The following DLGAP1 variants were observed in gnomAD, a reference collection of about 807,000 sequenced individuals.
The protein encoded by DLGAP1 is DLG associated protein 1.
Under a neutral mutation model 90.8 loss-of-function variants are expected in DLGAP1, and 11 were observed. That is an observed-to-expected ratio of 0.12 (90% CI 0.08 to 0.20). The LOEUF is 0.20. DLGAP1 is among the 10% of genes least tolerant of loss of function. The pLI is 1.00. For synonymous variants in DLGAP1, 558 were observed against 540.7 expected (o/e 1.03, Z -0.44); for missense variants, 1,050 against 1,333.8 (o/e 0.79, Z 3.31).
rs567480709 is a variant in DLGAP1, at chr18:3,561,740, G to A, written c.2057+5750C>T. ...GGATATACTTCTTTCAATTTTTTTC[G>A]TTTTTGAGTGTTTTTATAGTGACTA... On this transcript the variant is annotated intron_variant, in intron 9 of 12. Transcript: ENST00000315677. 2.8e-4 allele frequency among the ~76,000 whole-genome samples: 42 copies of A among 150,352 alleles called. 2 individuals carry two copies. The highest frequency in any genetic ancestry group is 6.9e-3 in the Middle Eastern group (2 of 290).
chr18:3,792,201 C>A (rs2065768316), intron 5 of DLGAP1, among the ~76,000 whole-genome samples: 1 of 152,182 alleles, frequency 6.6e-6, no homozygotes, highest in African/African-American at 2.4e-5. Flanking sequence ...TATGATGGGG[C>A]TGGGCACGAT....
intron 1 of DLGAP1, among the ~76,000 whole-genome samples, chr18:4,448,079 T>C (rs2083711092): frequency 6.6e-6 from 1 of 152,138 alleles, no homozygotes; most frequent in Admixed American, 6.6e-5. Flanking sequence ...TATGCAAATG[T>C]TTTCTCTATC....
chr18:3,541,224 AAAGG>A (rs2052675904), intron 9 of DLGAP1, among the ~76,000 whole-genome samples: 1 of 152,150 alleles, frequency 6.6e-6, no homozygotes, highest in South Asian at 2.1e-4. Context: ...AAATACATAA[AAAGG>A]AAGAAAGAGA....
At chr18:3,951,352 G>A (rs1291257178) in intron 3 of DLGAP1, among the ~76,000 whole-genome samples, 1 of 152,144 alleles carries the variant, frequency 6.6e-6, no homozygotes, top group East Asian at 1.9e-4. Flanking sequence ...ATTCTTAAAT[G>A]GTTGATGTGT....
intron 1 of DLGAP1, among the ~76,000 whole-genome samples, chr18:4,359,433 A>G (rs2081587931): frequency 1.3e-5 from 2 of 152,216 alleles, no homozygotes; most frequent in African/African-American, 4.8e-5. Context: ...CATTCCCTTC[A>G]TTAGATCATA....
intron 11 of DLGAP1, among the ~76,000 whole-genome samples, chr18:3,505,903 C>T (rs2050188445): frequency 6.6e-6 from 1 of 152,094 alleles, no homozygotes; most frequent in Non-Finnish European, 1.5e-5. Context: ...TAGGAAACAT[C>T]AAAAGCTGGC....
intron 8 of DLGAP1, chr18:3,580,383 T>A (rs1169427669): frequency 2.5e-6 from 4 of 1,613,806 alleles, no homozygotes; most frequent in Non-Finnish European, 3.4e-6. Context: ...CAGAGCCACA[T>A]ACCTAAGCAC....
In DLGAP1 at chr18:4,008,187, G is replaced by T. The variant is rs575021435; in HGVS notation, c.-158-2986C>A. ...CAGTGGATGCCTGATGCCCCAAACAGAACCAAACCCTATATGTAAATAAAT... is the reference window on the plus strand; with the variant it reads ...CAGTGGATGCCTGATGCCCCAAACATAACCAAACCCTATATGTAAATAAAT... On this transcript the variant is annotated intron_variant, in intron 2 of 12. Coordinates refer to ENST00000315677, the MANE Select transcript of DLGAP1 (RefSeq NM_004746.4). 2.3e-4 allele frequency among the ~76,000 whole-genome samples: 35 copies of T among 150,460 alleles called. No individual in the cohort carries two copies. In the South Asian group the frequency reaches 7.1e-3, roughly 31 times the overall value.
At chr18:3,903,970 A>G (rs1422977301) in intron 3 of DLGAP1, among the ~76,000 whole-genome samples, 3 of 152,166 alleles carry the variant, frequency 2.0e-5, no homozygotes, top group African/African-American at 7.2e-5. Context: ...CTTTTGCATG[A>G]TCTCCTAGAG....
At chr18:3,707,145 C>A (rs535924851) in intron 7 of DLGAP1, among the ~76,000 whole-genome samples, 1 of 152,202 alleles carries the variant, frequency 6.6e-6, no homozygotes, top group African/African-American at 2.4e-5. Context: ...CCTGAACCCA[C>A]CTATCTGAAT....
chr18:4,363,708 ACCATCT>A (rs2081685757), intron 1 of DLGAP1, among the ~76,000 whole-genome samples: 1 of 152,190 alleles, frequency 6.6e-6, no homozygotes, highest in Admixed American at 6.5e-5. Flanking sequence ...ACAATGAGAT[ACCATCT>A]CACACCAGTT....
chr18:4,260,760 A>T (rs1340706269), intron 1 of DLGAP1, among the ~76,000 whole-genome samples: 1 of 152,222 alleles, frequency 6.6e-6, no homozygotes, highest in African/African-American at 2.4e-5. Flanking sequence ...TGGTGATTAT[A>T]CTAGAGACAA....
intron 4 of DLGAP1, among the ~76,000 whole-genome samples, chr18:3,838,325 T>C (rs73940233): frequency 0.045 from 6,802 of 152,310 alleles, 390 homozygotes; most frequent in African/African-American, 0.12. Flanking sequence ...TGTTAAGAAA[T>C]ATTCTGTTGT....
chr18:4,074,806 C>T (rs916717999), intron 2 of DLGAP1, among the ~76,000 whole-genome samples: 1 of 152,070 alleles, frequency 6.6e-6, no homozygotes, highest in African/African-American at 2.4e-5. Context: ...TCTTTCTTGT[C>T]CCAAAAATGT....
chr18:4,333,341 G>A lies in DLGAP1; in HGVS notation c.-267+121665C>T, dbSNP rs1241308952. Among the ~76,000 whole-genome samples the A allele has an allele frequency of 1.3e-5, 2 of 151,760 alleles. 1 individual carries two copies. The highest frequency in any genetic ancestry group is 4.9e-5 in the African/African-American group (2 of 41,086). ...GGCTAGCCTGTGCTTCTTCCCATGG[G>A]TACTGGGTACTAAAAGCATCCAGAG... On this transcript the variant is annotated intron_variant, in intron 1 of 12. Coordinates refer to ENST00000315677, the MANE Select transcript of DLGAP1 (RefSeq NM_004746.4).
At chr18:4,331,111 T>C (rs763073719) in intron 1 of DLGAP1, among the ~76,000 whole-genome samples, 1 of 151,888 alleles carries the variant, frequency 6.6e-6, no homozygotes, top group Non-Finnish European at 1.5e-5. Flanking sequence ...CCCAGTAATA[T>C]TCCTTGTCTA....
At chr18:3,833,215 T>C in intron 4 of DLGAP1, among the ~76,000 whole-genome samples, 1 of 96,056 alleles carries the variant, frequency 1.0e-5, no homozygotes, top group African/African-American at 4.2e-5. Flanking sequence ...CCTTCCTTCC[T>C]TCCTTCCTTC....
At chr18:3,580,783 G>A in intron 8 of DLGAP1, 3 of 1,606,874 alleles carry the variant, frequency 1.9e-6, no homozygotes, top group Non-Finnish European at 2.6e-6. Flanking sequence ...AGTGTGCATG[G>A]TCAGGGGTGG....
At chr18:3,974,016 G>A (rs535729987) in intron 3 of DLGAP1, among the ~76,000 whole-genome samples, 5 of 152,280 alleles carry the variant, frequency 3.3e-5, no homozygotes, top group South Asian at 4.1e-4. Flanking sequence ...TTGTAACACC[G>A]TGGGAAGTAT....
Sources: allele counts gnomAD v4.1 joint callset (sites outside exome capture counted in the v4.1 genomes callset), GRCh38; gene constraint gnomAD v4.1.1; transcripts MANE v1.5; gene names NCBI Gene and HGNC (gene_info 2026-07-23, HGNC 2026-07-21).